CFTR: variants seen among roughly 807,000 people sequenced by gnomAD.
CFTR encodes the protein CF transmembrane conductance regulator, also known as cystic fibrosis transmembrane conductance regulator.
CFTR carries 181 observed loss-of-function variants against 171.6 expected under a neutral mutation model. That is an observed-to-expected ratio of 1.05 (90% CI 0.93 to 1.19). CFTR has a LOEUF of 1.19. CFTR is among the 50% of genes most tolerant of loss of function. The pLI is 0.00. For missense variants in CFTR, 1,968 were observed against 1,734.7 expected, an observed-to-expected ratio of 1.13 and a Z score of -2.39; for synonymous variants, 583 against 608.0, an observed-to-expected ratio of 0.96 and a Z score of 0.60.
chr7:117,657,102 C>A (rs1793196038), intron 24 of CFTR, among the ~76,000 whole-genome samples: 1 of 152,100 alleles, frequency 6.6e-6, no homozygotes, highest in African/African-American at 2.4e-5. Flanking sequence ...GAACACAATG[C>A]AATGGGAGGG....
At chr7:117,547,201 C>G (rs1164144295) in intron 9 of CFTR, among the ~76,000 whole-genome samples, 1 of 152,022 alleles carries the variant, frequency 6.6e-6, no homozygotes, top group East Asian at 1.9e-4. Flanking sequence ...TTATGTATGC[C>G]TTAAAAGAAT....
chr7:117,636,200 G>T (rs1792825286), intron 22 of CFTR, among the ~76,000 whole-genome samples: 1 of 152,086 alleles, frequency 6.6e-6, no homozygotes, highest in Non-Finnish European at 1.5e-5. Flanking sequence ...CTGCCTTCTT[G>T]CTTGCATTGT....
intron 24 of CFTR, among the ~76,000 whole-genome samples, chr7:117,659,598 G>C (rs1485024759): frequency 2.6e-5 from 4 of 152,204 alleles, no homozygotes; most frequent in Non-Finnish European, 5.9e-5. Flanking sequence ...AGATGCAGGA[G>C]CAGAGCTGCA....
chr7:117,591,918 T>G lies in CFTR; in HGVS notation c.1767-16T>G. On this transcript the variant is annotated splice_polypyrimidine_tract_variant and intron_variant, in intron 13 of 26. Coordinates refer to ENST00000003084, the MANE Select transcript of CFTR (RefSeq NM_000492.4). Reference sequence around the variant, plus strand: ...TATTTATAAAATTGATATTTATATGTTTTTATATCTTAAAGCTGTGTCTGT... The same window carrying G: ...TATTTATAAAATTGATATTTATATGGTTTTATATCTTAAAGCTGTGTCTGT... 1 of 1,509,334 alleles carries G rather than the reference T, an allele frequency of 6.6e-7. No homozygotes were observed. The highest frequency in any genetic ancestry group is 9.0e-7 in the Non-Finnish European group (1 of 1,109,986). 93.5% of individuals were successfully genotyped at this position (1,509,334 alleles called of 1,614,324 possible).
intron 9 of CFTR, among the ~76,000 whole-genome samples, chr7:117,547,419 G>A (rs867924807): frequency 2.0e-5 from 3 of 151,936 alleles, no homozygotes; most frequent in African/African-American, 7.2e-5. Context: ...GGTTCTTATT[G>A]TCAAGTCAAT....
chr7:117,566,374 G>A (rs1791602689), intron 11 of CFTR, among the ~76,000 whole-genome samples: 1 of 152,042 alleles, frequency 6.6e-6, no homozygotes. Flanking sequence ...GGCGGAGGTT[G>A]CTGTGAGCTG....
In CFTR at chr7:117,610,534, A is replaced by T. The variant is rs781336456; in HGVS notation, c.3004A>T (p.Ile1002Phe). The T allele has an allele frequency of 6.2e-7, 1 of 1,612,972 alleles. No individual in the cohort carries two copies. The highest frequency in any genetic ancestry group is 2.2e-5 in the East Asian group (1 of 44,832). ...FDFIQLLLIV[I>F]GAIAVVAVLQ... ...GATCTTACAGTTGTTATTAATTGTG[A>T]TTGGAGCTATAGCAGTTGTCGCAGT... The change falls in exon 19 of 27, where the codon ATT becomes TTT. Residue 1002 changes from isoleucine (I) to phenylalanine (F), a missense_variant. By Grantham distance (21) the Ile-to-Phe change is conservative. Coordinates refer to ENST00000003084, the MANE Select transcript of CFTR (RefSeq NM_000492.4).
At chr7:117,612,015 A>ATATG (rs1792399974) in intron 20 of CFTR, among the ~76,000 whole-genome samples, 1 of 44,688 alleles carries the variant, frequency 2.2e-5, no homozygotes, top group South Asian at 6.8e-4. Context: ...GGATATATAT[A>ATATG]TATATATGTA....
At chr7:117,577,677 C>T (rs1791792151) in intron 11 of CFTR, among the ~76,000 whole-genome samples, 2 of 152,090 alleles carry the variant, frequency 1.3e-5, no homozygotes. Context: ...CTTACCACAG[C>T]TGCTATGCAA....
At position 117,591,917 on chromosome 7, in the gene CFTR, GT is replaced by G; in HGVS notation, c.1767-12del. 6.6e-7 allele frequency: 1 copy of G among 1,504,232 alleles called. No homozygotes were observed. Among genetic ancestry groups the G allele is most frequent in the Non-Finnish European group, 9.0e-7 (1 of 1,105,800 alleles). The allele number at this position is 1,504,232 out of a possible 1,614,324, so 93.2% of individuals were successfully genotyped here. A position where few individuals can be genotyped will look rare whatever the true frequency, so the allele number is the denominator to read the frequency against. On this transcript the variant is annotated splice_polypyrimidine_tract_variant and intron_variant, in intron 13 of 26. Transcript: ENST00000003084. The stretch of plus-strand genomic sequence containing the variant: ...GTATTTATAAAATTGATATTTATAT[GT>G]TTTTATATCTTAAAGCTGTGTCTGT...
rs200318119 is a variant in CFTR at position 117,545,798 on chromosome 7, ATTTTT to A, written c.1210-2836_1210-2832del. Among the ~76,000 whole-genome samples the A allele has an allele frequency of 2.5e-4, 37 of 146,566 alleles. 1 individual carries two copies. The South Asian group carries it at 7.2e-3, about 29-fold the overall frequency. On this transcript the variant is annotated intron_variant, in intron 9 of 26. Coordinates refer to ENST00000003084, the MANE Select transcript of CFTR (RefSeq NM_000492.4). ...TTTCTCACTTAGCATATCATCACTT[ATTTTT>A]TTTTTTAATCACATATATGATTTTT...
intron 8 of CFTR, 71 bp downstream of exon 8, chr7:117,540,417 T>G (rs1440561563): frequency 6.9e-7 from 1 of 1,441,450 alleles, no homozygotes; most frequent in African/African-American, 1.4e-5. Context: ...TCTAATGAAC[T>G]TTGCAAAAAT....
chr7:117,577,636 T>G (rs952986247), intron 11 of CFTR, among the ~76,000 whole-genome samples: 1 of 152,148 alleles, frequency 6.6e-6, no homozygotes, highest in Non-Finnish European at 1.5e-5. Context: ...AATGTGACTT[T>G]CATTTGCAAA....
intron 20 of CFTR, among the ~76,000 whole-genome samples, chr7:117,612,040 T>TATATATATATAA (rs1792410594): frequency 1.3e-5 from 1 of 75,008 alleles, no homozygotes; most frequent in African/African-American, 5.8e-5. Context: ...TATATATATA[T>TATATATATATAA]ATATATATAT....
chr7:117,560,911 A>G (rs1799453606), intron 11 of CFTR: 1 of 152,078 alleles, frequency 6.6e-6, no homozygotes, highest in Non-Finnish European at 1.5e-5. Flanking sequence ...AAGATAAATC[A>G]TGGGCTTTAT....
chr7:117,536,502 GT>G, intron 6 of CFTR, 45 bp from the exon 7 acceptor site: 1 of 1,537,636 alleles, frequency 6.5e-7, no homozygotes, highest in South Asian at 1.2e-5. Context: ...AATTTGACTT[GT>G]TTTTACTATT....
At chr7:117,627,121 C>A (rs997409819) in intron 21 of CFTR, among the ~76,000 whole-genome samples, 7 of 152,102 alleles carry the variant, frequency 4.6e-5, no homozygotes, top group East Asian at 1.9e-4. Context: ...TAAGGTAGTT[C>A]GAGAGAAAGA....
At chr7:117,600,409 G>C (rs961630737) in intron 15 of CFTR, among the ~76,000 whole-genome samples, 4 of 151,982 alleles carry the variant, frequency 2.6e-5, no homozygotes, top group Non-Finnish European at 4.4e-5. Flanking sequence ...AGAGAGTCTT[G>C]TTGTTGACTG....
chr7:117,632,324 G>A (rs1474783675), intron 22 of CFTR, among the ~76,000 whole-genome samples: 1 of 152,116 alleles, frequency 6.6e-6, no homozygotes, highest in Admixed American at 6.6e-5. Context: ...AGCACTTTGA[G>A]AGGACATAGT....
Sources: gnomAD v4.1 joint callset for allele counts (sites outside exome capture counted in the v4.1 genomes callset) on GRCh38, gnomAD v4.1.1 for gene constraint, MANE v1.5 for transcripts, NCBI Gene and HGNC (gene_info 2026-07-23, HGNC 2026-07-21) for gene names.